The following MORC3 variants were observed in gnomAD, a reference collection of about 807,000 sequenced individuals.
The protein encoded by MORC3 is MORC family CW-type zinc finger 3, also known as MORC family CW-type zinc finger protein 3.
A neutral mutation model predicts 109.1 loss-of-function variants in MORC3; 31 were observed. The ratio of observed to expected loss-of-function variants is 0.28; its 90% CI spans 0.21 to 0.38. The LOEUF (loss-of-function observed/expected upper bound fraction) is 0.38. Ranked by LOEUF, MORC3 falls within the 10% of genes least tolerant of loss-of-function variation. MORC3 has a pLI of 1.00. For synonymous variants in MORC3, 395 were observed against 380.7 expected (o/e 1.04, Z -0.44); for missense variants, 867 against 1,135.8 (o/e 0.76, Z 3.40).
chr21:36,345,443 A>G (rs1163836097), intron 8 of MORC3, among the ~76,000 whole-genome samples: 1 of 147,348 alleles, frequency 6.8e-6, no homozygotes, highest in Non-Finnish European at 1.5e-5. Context: ...TTTTTTTGAG[A>G]CAGAGCCTTG....
chr21:36,338,012 G>A (rs2085393352), intron 4 of MORC3, 66 bp downstream of exon 4: 3 of 1,540,372 alleles, frequency 1.9e-6, no homozygotes, highest in Admixed American at 1.8e-5. Flanking sequence ...AACATTCTAT[G>A]TTTTTGCCTT....
At chr21:36,324,744 G>C (rs1601505387) in intron 1 of MORC3, among the ~76,000 whole-genome samples, 1 of 117,614 alleles carries the variant, frequency 8.5e-6, no homozygotes, top group African/African-American at 3.3e-5. Flanking sequence ...TTTCACTCTT[G>C]TTGCCCAGGC....
At position 36,369,413 on chromosome 21, in the gene MORC3, A is replaced by C. The variant is rs1392603532; in HGVS notation, c.2045A>C (p.Gln682Pro). 1 of 1,614,240 alleles carries C rather than the reference A, an allele frequency of 6.2e-7. No homozygotes were observed. The highest frequency in any genetic ancestry group is 2.2e-5 in the East Asian group (1 of 44,888). ...VEAEAKIHET[Q>P]ETTDKSADDA... ...GCTGAAGCAAAGATACATGAAACCC[A>C]GGAAACCACCGATAAATCTGCAGAT... The change falls in exon 15 of 17, where the codon CAG (glutamine) becomes CCG (proline). Residue 682 changes from glutamine (Q) to proline (P), a missense_variant. Physicochemically the swap from Gln to Pro is moderately conservative, Grantham distance 76. Transcript: ENST00000400485.
chr21:36,344,455 C>T (rs116746086), intron 6 of MORC3, 124 bp from the exon 7 acceptor site: 227 of 1,118,462 alleles, frequency 2.0e-4, no homozygotes, highest in Middle Eastern at 2.0e-3. Flanking sequence ...AGCTTTATAG[C>T]CTATTTTATT....
At chr21:36,350,716 A>C (rs1393020866) in intron 9 of MORC3, among the ~76,000 whole-genome samples, 1 of 152,188 alleles carries the variant, frequency 6.6e-6, no homozygotes, top group African/African-American at 2.4e-5. Flanking sequence ...AGATAGCACA[A>C]ATAAATTTTC....
intron 13 of MORC3, among the ~76,000 whole-genome samples, chr21:36,362,565 T>TG (rs1459964557): frequency 1.3e-5 from 2 of 151,406 alleles, no homozygotes; most frequent in Admixed American, 1.3e-4. Flanking sequence ...AAAATAGGGA[T>TG]GGGGTCTCAC....
At chr21:36,362,039 A>G (rs756640407) in intron 12 of MORC3, 144 bp from the exon 13 acceptor site, 9 of 843,848 alleles carry the variant, frequency 1.1e-5, no homozygotes, top group Middle Eastern at 4.9e-4. Context: ...TAAAAGGTAG[A>G]AAGTATTTCC....
At chr21:36,372,259 T>G (rs2085878460) in intron 15 of MORC3, 115 bp from the exon 16 acceptor site, 2 of 883,030 alleles carry the variant, frequency 2.3e-6, no homozygotes, top group South Asian at 5.2e-5. Context: ...TGTGTATTTG[T>G]TTTTTGATAG....
chr21:36,364,472 A>C (rs927789312), intron 14 of MORC3, among the ~76,000 whole-genome samples: 1 of 152,182 alleles, frequency 6.6e-6, no homozygotes, highest in African/African-American at 2.4e-5. Flanking sequence ...TTCGTTAAAA[A>C]GTATTAATTG....
intron 1 of MORC3, among the ~76,000 whole-genome samples, chr21:36,330,127 G>T (rs571865830): frequency 7.9e-5 from 12 of 152,162 alleles, no homozygotes; most frequent in Admixed American, 5.9e-4. Flanking sequence ...CTCCCAAAGC[G>T]CTGGGATTAC....
intron 3 of MORC3, 36 bp downstream of exon 3, chr21:36,337,042 G>A: frequency 6.3e-7 from 1 of 1,593,052 alleles, no homozygotes; most frequent in South Asian, 1.1e-5. Flanking sequence ...TAAAATTGTT[G>A]CTTTTACCTA....
chr21:36,345,102 A>G (rs2085492867), intron 8 of MORC3, 71 bp downstream of exon 8: 2 of 1,400,356 alleles, frequency 1.4e-6, no homozygotes, highest in Admixed American at 2.5e-5. Flanking sequence ...TATGCTCTTG[A>G]GTCAAATGTT....
chr21:36,346,824 C>A (rs561976966), intron 8 of MORC3, among the ~76,000 whole-genome samples: 4,013 of 151,318 alleles, frequency 0.027, 69 homozygotes, highest in Admixed American at 0.047. Context: ...AACAAACAAA[C>A]AAAAATCGTC....
intron 4 of MORC3, 98 bp downstream of exon 4, chr21:36,338,044 A>G: frequency 2.5e-6 from 3 of 1,205,894 alleles, no homozygotes; most frequent in East Asian, 4.8e-5. Context: ...TTCCCTTTGA[A>G]TAACACCTAT....
chr21:36,338,527 A>G (rs1478750974), intron 4 of MORC3, among the ~76,000 whole-genome samples: 1 of 152,112 alleles, frequency 6.6e-6, no homozygotes, highest in Non-Finnish European at 1.5e-5. Context: ...ATCTCTACAA[A>G]AAAAATTTAA....
chr21:36,375,408 A>G lies in MORC3; in HGVS notation c.*112A>G. ...GATAGGCAACAGACTGAAAACCATA[A>G]TCTTTACTGTATTCTATGCATTCAA... On this transcript the variant is annotated 3_prime_UTR_variant, in exon 17 of 17. Coordinates refer to ENST00000400485, the MANE Select transcript of MORC3 (RefSeq NM_015358.3). 1.0e-6 allele frequency: 1 copy of G among 961,178 alleles called. No individual in the cohort carries two copies. The highest frequency in any genetic ancestry group is 1.5e-6 in the Non-Finnish European group (1 of 665,414). 59.5% of individuals were successfully genotyped at this position (961,178 alleles called of 1,614,324 possible).
chr21:36,371,400 T>C (rs2085865154), intron 15 of MORC3, among the ~76,000 whole-genome samples: 1 of 151,334 alleles, frequency 6.6e-6, no homozygotes, highest in East Asian at 2.0e-4. Flanking sequence ...CCAACATTCA[T>C]TTAATTACAG....
At chr21:36,320,530 G>A (rs957225005) in intron 1 of MORC3, 1 of 372,096 alleles carries the variant, frequency 2.7e-6, no homozygotes, top group East Asian at 4.5e-5. Context: ...TTGCTTCGGG[G>A]CGGGCCAGGG....
chr21:36,368,771 GGAGGCT>G (rs2085811278), intron 14 of MORC3, among the ~76,000 whole-genome samples: 1 of 152,178 alleles, frequency 6.6e-6, no homozygotes, highest in South Asian at 2.1e-4. Context: ...CAGCTCCTCA[GGAGGCT>G]GAGGCAGGAG....
Sources: allele counts gnomAD v4.1 joint callset (sites outside exome capture counted in the v4.1 genomes callset), GRCh38; gene constraint gnomAD v4.1.1; transcripts MANE v1.5; gene names NCBI Gene and HGNC (gene_info 2026-07-23, HGNC 2026-07-21).